The following BCAR3 variants were observed in gnomAD, a reference collection of about 807,000 sequenced individuals.
BCAR3 encodes breast cancer anti-estrogen resistance protein 3.
BCAR3 carries 37 observed loss-of-function variants against 80.1 expected under a neutral mutation model. That is an observed-to-expected ratio of 0.46 (90% CI 0.36 to 0.61). BCAR3 has a LOEUF of 0.61. Ranked by LOEUF, BCAR3 falls within the 20% of genes least tolerant of loss-of-function variation. The pLI is 0.00. For missense variants in BCAR3, 978 were observed against 1,068.2 expected, an observed-to-expected ratio of 0.92 and a Z score of 1.18; for synonymous variants, 389 against 418.9, an observed-to-expected ratio of 0.93 and a Z score of 0.87.
At chr1:93,626,366 T>G (rs1041520293) in intron 3 of BCAR3, among the ~76,000 whole-genome samples, 1 of 152,190 alleles carries the variant, frequency 6.6e-6, no homozygotes, top group Non-Finnish European at 1.5e-5. Flanking sequence ...AGGGGATTAT[T>G]TGTGTTTTAA....
At chr1:93,763,556 T>C (rs1180162576) in intron 2 of BCAR3, among the ~76,000 whole-genome samples, 2 of 152,230 alleles carry the variant, frequency 1.3e-5, no homozygotes, top group African/African-American at 4.8e-5. Context: ...GAGCCAGAAT[T>C]TGAACTCAAG....
At chr1:93,656,736 T>G (rs897576894) in intron 2 of BCAR3, among the ~76,000 whole-genome samples, 1 of 152,014 alleles carries the variant, frequency 6.6e-6, no homozygotes, top group Non-Finnish European at 1.5e-5. Context: ...CCTGAATAGC[T>G]AGGACTACAG....
At chr1:93,769,884 G>A (rs1163352687) in intron 2 of BCAR3, among the ~76,000 whole-genome samples, 1 of 152,114 alleles carries the variant, frequency 6.6e-6, no homozygotes, top group African/African-American at 2.4e-5. Context: ...ACCCACTTGT[G>A]GGCCACCAGG....
intron 3 of BCAR3, among the ~76,000 whole-genome samples, chr1:93,603,665 A>C (rs1041626992): frequency 3.9e-5 from 6 of 152,204 alleles, no homozygotes; most frequent in Non-Finnish European, 8.8e-5. Context: ...CTCCATTTTC[A>C]ATCAAGAGTT....
At chr1:93,841,918 A>G (rs1215204016) in intron 2 of BCAR3, among the ~76,000 whole-genome samples, 2 of 152,014 alleles carry the variant, frequency 1.3e-5, no homozygotes, top group African/African-American at 4.8e-5. Flanking sequence ...GCCTTGTCCT[A>G]TCTTCTTCCT....
At chr1:93,759,070 C>A (rs1046956960) in intron 2 of BCAR3, among the ~76,000 whole-genome samples, 5 of 152,146 alleles carry the variant, frequency 3.3e-5, no homozygotes, top group Non-Finnish European at 5.9e-5. Flanking sequence ...TCATTATCCC[C>A]AAACTAACCT....
chr1:93,704,717 T>C (rs1649775293), intron 3 of BCAR3, among the ~76,000 whole-genome samples: 1 of 152,146 alleles, frequency 6.6e-6, no homozygotes, highest in South Asian at 2.1e-4. Context: ...CTGTTCATGG[T>C]GGGGAGAATA....
At chr1:93,596,854 A>C (rs1358236592) in intron 3 of BCAR3, among the ~76,000 whole-genome samples, 1 of 152,174 alleles carries the variant, frequency 6.6e-6, no homozygotes, top group Non-Finnish European at 1.5e-5. Flanking sequence ...TCGCTGCCTC[A>C]GCAGAGGCTC....
intron 3 of BCAR3, among the ~76,000 whole-genome samples, chr1:93,628,810 G>A (rs1675523743): frequency 6.6e-6 from 1 of 152,184 alleles, no homozygotes; most frequent in South Asian, 2.1e-4. Flanking sequence ...CACAGGGGCA[G>A]GGATATTGTT....
intron 1 of BCAR3, among the ~76,000 whole-genome samples, chr1:93,679,017 G>T (rs1456982274): frequency 6.6e-6 from 1 of 152,104 alleles, no homozygotes; most frequent in African/African-American, 2.4e-5. Context: ...AAATAAAATG[G>T]TATGACTCAG....
intron 2 of BCAR3, among the ~76,000 whole-genome samples, chr1:93,806,560 T>C (rs1336819169): frequency 6.6e-6 from 1 of 152,182 alleles, no homozygotes; most frequent in African/African-American, 2.4e-5. Flanking sequence ...GGTTATTTGA[T>C]GAAATTCCTA....
At chr1:93,625,018 CACT>C (rs2101893673) in intron 3 of BCAR3, among the ~76,000 whole-genome samples, 1 of 152,208 alleles carries the variant, frequency 6.6e-6, no homozygotes. Flanking sequence ...AGACCATCCT[CACT>C]AACATGGTGA....
intron 2 of BCAR3, among the ~76,000 whole-genome samples, chr1:93,711,012 C>A (rs1225603786): frequency 1.3e-5 from 2 of 152,046 alleles, no homozygotes; most frequent in African/African-American, 4.8e-5. Context: ...CAGTTCCTTA[C>A]CATATGACCC....
At chr1:93,806,279 A>G (rs1234979463) in intron 2 of BCAR3, among the ~76,000 whole-genome samples, 2 of 152,214 alleles carry the variant, frequency 1.3e-5, no homozygotes, top group African/African-American at 2.4e-5. Flanking sequence ...AAAGTATGAG[A>G]CTCAAAGAGA....
chr1:93,633,859 C>T (rs999989670), intron 3 of BCAR3, among the ~76,000 whole-genome samples: 8 of 152,180 alleles, frequency 5.3e-5, no homozygotes, highest in Non-Finnish European at 7.4e-5. Context: ...AAGCTGGTCT[C>T]GAACTCCTGA....
chr1:93,622,332 G>A (rs1025450733), intron 3 of BCAR3, among the ~76,000 whole-genome samples: 13 of 152,304 alleles, frequency 8.5e-5, no homozygotes, highest in Non-Finnish European at 5.9e-5. Context: ...AAACAACAAC[G>A]AATCAGAATG....
intron 9 of BCAR3, among the ~76,000 whole-genome samples, chr1:93,571,001 C>T (rs986755585): frequency 3.3e-5 from 5 of 152,018 alleles, no homozygotes; most frequent in African/African-American, 9.7e-5. Context: ...GTCAGGAGTT[C>T]GAGATCAGCC....
intron 3 of BCAR3, among the ~76,000 whole-genome samples, chr1:93,687,078 A>G (rs1396313897): frequency 1.3e-5 from 2 of 152,160 alleles, no homozygotes; most frequent in Non-Finnish European, 2.9e-5. Context: ...TCTAAGATCT[A>G]TATCTGGTTT....
In BCAR3 at chr1:93,575,994, C is replaced by G. The variant is rs1163129640; in HGVS notation, c.1802+20G>C. The G allele has an allele frequency of 6.2e-7, 1 of 1,606,584 alleles. No homozygotes were observed. The highest frequency in any genetic ancestry group is 1.3e-5 in the African/African-American group (1 of 74,732). ...GAAGGAGCTGGGAGGGTCGGAAGTGCAGAGGACGGCACTGCTCACCTTTCA... is the reference window on the plus strand; with the variant it reads ...GAAGGAGCTGGGAGGGTCGGAAGTGGAGAGGACGGCACTGCTCACCTTTCA... On this transcript the variant is annotated intron_variant, in intron 8 of 11. Transcript: ENST00000260502.
Sources: allele counts gnomAD v4.1 joint callset (sites outside exome capture counted in the v4.1 genomes callset), GRCh38; gene constraint gnomAD v4.1.1; transcripts MANE v1.5; gene names NCBI Gene and HGNC (gene_info 2026-07-23, HGNC 2026-07-21).